The following OSBPL5 variants were observed in gnomAD, a reference collection of about 807,000 sequenced individuals.
OSBPL5 encodes oxysterol binding protein like 5, also known as oxysterol-binding protein-related protein 5.
Under a neutral mutation model 111.2 loss-of-function variants are expected in OSBPL5, and 71 were observed. That is an observed-to-expected ratio of 0.64 (90% CI 0.53 to 0.78). The LOEUF (loss-of-function observed/expected upper bound fraction) is 0.78, where lower values mean the gene tolerates loss of function less well. Among genes scored for constraint, OSBPL5 ranks in the 30% least tolerant of loss-of-function variants. The pLI is 0.00. For missense variants in OSBPL5, 1,210 were observed against 1,189.3 expected (o/e 1.02, Z -0.26); for synonymous variants, 549 against 513.9 (o/e 1.07, Z -0.93).
Position 3,103,776 on chromosome 11 carries a change from C to CCTCTGCAACCCTCTTCCAG in OSBPL5, c.1244+416_1244+417insCTGGAAGAGGGTTGCAGAG, listed in dbSNP as rs1564830050. 9.3e-4 allele frequency among the ~76,000 whole-genome samples: 77 copies of CCTCTGCAACCCTCTTCCAG among 83,022 alleles called. 1 individual carries two copies. Among genetic ancestry groups the CCTCTGCAACCCTCTTCCAG allele is most frequent in the Non-Finnish European group, 1.5e-3 (57 of 37,092 alleles). The allele number at this position is 83,022 out of a possible 152,430, so 54.5% of individuals were successfully genotyped here. ...TTCCAGCTCTGCAGCCCCCTTCCAGCCTCTGCAGTCCCTTCCTGCCTCTGC... is the reference window on the plus strand; with the variant it reads ...TTCCAGCTCTGCAGCCCCCTTCCAGCCTCTGCAACCCTCTTCCAGCTCTGCAGTCCCTTCCTGCCTCTGC... On this transcript the variant is annotated intron_variant, in intron 10 of 21. Transcript: ENST00000263650.
At chr11:3,116,780 A>G (rs553566680) in intron 7 of OSBPL5, among the ~76,000 whole-genome samples, 94 of 146,022 alleles carry the variant, frequency 6.4e-4, no homozygotes, top group African/African-American at 2.4e-3. Context: ...GCTTGAACCC[A>G]GGAGGTGGAG....
chr11:3,102,059 G>T, intron 12 of OSBPL5, 124 bp downstream of exon 12: 1 of 943,212 alleles, frequency 1.1e-6, no homozygotes. Context: ...GCAGGATGTG[G>T]GGTCCCCTGG....
intron 2 of OSBPL5, 78 bp downstream of exon 2, chr11:3,128,935 G>A (rs1184728644): frequency 2.3e-6 from 3 of 1,304,840 alleles, no homozygotes; most frequent in East Asian, 3.0e-5. Flanking sequence ...AAGGGGCACA[G>A]AGGGGTTGGG....
intron 14 of OSBPL5, among the ~76,000 whole-genome samples, chr11:3,097,993 A>C (rs1376480274): frequency 3.3e-5 from 5 of 152,114 alleles, no homozygotes; most frequent in Admixed American, 3.3e-4. Context: ...GCTTGAACCC[A>C]GGTGGTGGAG....
intron 3 of OSBPL5, among the ~76,000 whole-genome samples, chr11:3,123,921 C>T (rs951285699): frequency 2.6e-5 from 4 of 152,170 alleles, no homozygotes; most frequent in African/African-American, 9.7e-5. Flanking sequence ...GACTGGCGGT[C>T]CTGGCAGCAC....
rs760780682 is a variant in OSBPL5 at position 3,088,269 on chromosome 11, C to T, written c.2576G>A (p.Arg859Gln). ...GAACACGCAGAGCAGGAACCAGGAT[C>T]GGGGGCTCTGCAGGAGGCCTGGGGT... ...APTPGLLQSP[R>Q]SWFLLCVFLA... is the part of the protein sequence containing the mutation. The change falls in exon 22 of 22, where the codon CGA (arginine) becomes CAA (glutamine). Residue 859 changes from arginine to glutamine, a missense_variant. Transcript: ENST00000263650. 4.4e-6 allele frequency: 7 copies of T among 1,608,734 alleles called. No individual in the cohort carries two copies. The highest frequency in any genetic ancestry group is 2.2e-5 in the East Asian group (1 of 44,622).
At chr11:3,131,587 C>CACCTACCCATT (rs1858842311) in intron 1 of OSBPL5, among the ~76,000 whole-genome samples, 1 of 109,572 alleles carries the variant, frequency 9.1e-6, no homozygotes. Flanking sequence ...ATCCATCCAC[C>CACCTACCCATT]CATTCATCCA....
chr11:3,150,389 G>T (rs1846542139), intron 1 of OSBPL5, among the ~76,000 whole-genome samples: 1 of 152,124 alleles, frequency 6.6e-6, no homozygotes, highest in Non-Finnish European at 1.5e-5. Flanking sequence ...CGGGCACCTG[G>T]GACCAGGATG....
chr11:3,102,072 G>A (rs765904670), intron 12 of OSBPL5, 111 bp downstream of exon 12: 2 of 1,115,938 alleles, frequency 1.8e-6, no homozygotes, highest in Non-Finnish European at 2.6e-6. Flanking sequence ...TCCCCTGGAA[G>A]CCGGCCCTCG....
rs575831512 is a variant in OSBPL5 at position 3,107,031 on chromosome 11, C to T, written c.1059+232G>A. 2.4e-4 allele frequency among the ~76,000 whole-genome samples: 37 copies of T among 151,772 alleles called. No homozygotes were observed. Among genetic ancestry groups the T allele is most frequent in the Admixed American group, 1.8e-3 (27 of 15,278 alleles). On this transcript the variant is annotated intron_variant, in intron 9 of 21. Coordinates refer to ENST00000263650, the MANE Select transcript of OSBPL5 (RefSeq NM_020896.4). The surrounding 1 kb of genome is among the most constrained non-coding windows in gnomAD (Gnocchi z 6.1). ...TCTGCAGCAAACCCCTGCCCGATCC[C>T]CGCATCTGCATGCCAGCCAGCCAGC...
At chr11:3,090,436 G>T in intron 20 of OSBPL5, 122 bp downstream of exon 20, 1 of 1,379,154 alleles carries the variant, frequency 7.3e-7, no homozygotes, top group Non-Finnish European at 9.9e-7. Flanking sequence ...CAGCAGAGGA[G>T]CTTTTGCTGG....
At chr11:3,096,824 T>G (rs897518997) in intron 14 of OSBPL5, among the ~76,000 whole-genome samples, 1 of 149,868 alleles carries the variant, frequency 6.7e-6, no homozygotes, top group African/African-American at 2.5e-5. Context: ...AACTTTGCCA[T>G]AATAAAAAGT....
At chr11:3,103,907 CCTTCCTGCCTCTGCAGCCCA>C (rs1564831007) in intron 10 of OSBPL5, among the ~76,000 whole-genome samples, 2 of 127,390 alleles carry the variant, frequency 1.6e-5, no homozygotes, top group Non-Finnish European at 3.3e-5. Flanking sequence ...TCTGCAGCCC[CCTTCCTGCCTCTGCAGCCCA>C]TCCCATCCAG....
At chr11:3,103,824 C>CTG (rs1857581330) in intron 10 of OSBPL5, among the ~76,000 whole-genome samples, 3 of 35,504 alleles carry the variant, frequency 8.4e-5, no homozygotes, top group Admixed American at 6.7e-4. Flanking sequence ...GCCTGCGCAG[C>CTG]CCCCTTCCAG....
rs182250476 is a variant in OSBPL5, at chr11:3,114,853, G to A, written c.691+4694C>T. Among the ~76,000 whole-genome samples the A allele has an allele frequency of 6.1e-4, 93 of 151,750 alleles. No individual in the cohort carries two copies. In the East Asian group the frequency reaches 8.9e-3, roughly 15 times the overall value. On this transcript the variant is annotated intron_variant, in intron 7 of 21. Coordinates refer to ENST00000263650, the MANE Select transcript of OSBPL5 (RefSeq NM_020896.4). ...CCTGACTTCGTGATCCTCCTGCCTC[G>A]GCCTCCCAAAAGTGCTGGGATTACA...
chr11:3,160,209 G>C (rs1011788454), intron 1 of OSBPL5, among the ~76,000 whole-genome samples: 20 of 152,304 alleles, frequency 1.3e-4, no homozygotes, highest in African/African-American at 3.6e-4. Context: ...CCTGCCCCAC[G>C]GGCCAGCGTC....
Position 3,106,118 on chromosome 11 carries a change from C to T in OSBPL5, c.1059+1145G>A, listed in dbSNP as rs1221873807. ...GCCCATCCTAACCTTCCCATCCCCG[C>T]ACAGGAGCCTGAGCTCTGTGGGAAC... is the stretch of plus-strand genomic sequence containing the variant. On this transcript the variant is annotated intron_variant, in intron 9 of 21. Transcript: ENST00000263650. This position sits in a 1 kb window ranked among gnomAD's most constrained non-coding sequence, Gnocchi z 8.4. Among the ~76,000 whole-genome samples, 1 of 152,122 alleles carries T rather than the reference C, an allele frequency of 6.6e-6. No individual in the cohort carries two copies. The highest frequency in any genetic ancestry group is 1.5e-5 in the Non-Finnish European group (1 of 68,016).
chr11:3,147,160 G>A (rs1223264242), intron 1 of OSBPL5, among the ~76,000 whole-genome samples: 2 of 152,214 alleles, frequency 1.3e-5, no homozygotes, highest in East Asian at 1.9e-4. Flanking sequence ...GGGCTGCAAG[G>A]CCTCTGTGAG....
intron 1 of OSBPL5, among the ~76,000 whole-genome samples, chr11:3,129,815 G>A (rs1221912464): frequency 6.6e-6 from 1 of 152,212 alleles, no homozygotes; most frequent in Non-Finnish European, 1.5e-5. Flanking sequence ...GCACACCTGC[G>A]TCCACGCCCA....
Sources: allele counts gnomAD v4.1 joint callset (sites outside exome capture counted in the v4.1 genomes callset), GRCh38; gene constraint gnomAD v4.1.1; non-coding constraint Gnocchi (gnomAD v3.1); transcripts MANE v1.5; gene names NCBI Gene and HGNC (gene_info 2026-07-23, HGNC 2026-07-21).